PDE10A: variants seen among roughly 807,000 people sequenced by gnomAD.
PDE10A encodes cAMP and cAMP-inhibited cGMP 3',5'-cyclic phosphodiesterase 10A.
In PDE10A, 39 loss-of-function variants were observed where a neutral mutation model predicts 97.7. That is an observed-to-expected ratio of 0.40 (90% CI 0.31 to 0.52). The LOEUF is 0.52. Among genes scored for constraint, PDE10A ranks in the 20% least tolerant of loss-of-function variants. The pLI is 0.56. For synonymous variants in PDE10A, 371 were observed against 376.8 expected (o/e 0.98, Z 0.18); for missense variants, 731 against 1,047.8 (o/e 0.70, Z 4.17).
intron 1 of PDE10A, among the ~76,000 whole-genome samples, chr6:165,602,738 T>C (rs1371926622): frequency 6.6e-6 from 1 of 152,202 alleles, no homozygotes; most frequent in Admixed American, 6.5e-5. Flanking sequence ...AAATCATACC[T>C]TGTACAGGTG....
chr6:165,481,972 T>C (rs1306923170), intron 3 of PDE10A, among the ~76,000 whole-genome samples: 5 of 152,340 alleles, frequency 3.3e-5, no homozygotes, highest in Non-Finnish European at 1.5e-5. Flanking sequence ...CTGGGAAGAC[T>C]GCTGCCCTGT....
At chr6:165,741,620 T>C (rs1241376761) in intron 1 of PDE10A, among the ~76,000 whole-genome samples, 4 of 152,144 alleles carry the variant, frequency 2.6e-5, no homozygotes, top group African/African-American at 9.7e-5. Flanking sequence ...AGCATGTCAT[T>C]TTACAGCATT....
At chr6:165,610,202 C>T (rs1050006460) in intron 1 of PDE10A, among the ~76,000 whole-genome samples, 1 of 152,132 alleles carries the variant, frequency 6.6e-6, no homozygotes, top group Non-Finnish European at 1.5e-5. Context: ...AGAAATAATA[C>T]CACACATCTA....
chr6:165,895,559 A>T (rs1316017073), intron 1 of PDE10A, among the ~76,000 whole-genome samples: 2 of 152,188 alleles, frequency 1.3e-5, no homozygotes, highest in Non-Finnish European at 1.5e-5. Context: ...TTGTCACAGC[A>T]GCCCTGGGAA....
At chr6:165,718,419 C>CTGGGG (rs1348685002) in intron 1 of PDE10A, 88 of 152,256 alleles carry the variant, frequency 5.8e-4, no homozygotes, top group African/African-American at 1.8e-3. Context: ...CCCAAATCCC[C>CTGGGG]AGAAGAAACA....
At chr6:165,864,672 AAGATTAAGACATGGAC>A (rs1224774371) in intron 1 of PDE10A, among the ~76,000 whole-genome samples, 1 of 152,200 alleles carries the variant, frequency 6.6e-6, no homozygotes, top group Non-Finnish European at 1.5e-5. Context: ...TCCCATCAAA[AAGATTAAGACATGGAC>A]AGATATTTTA....
chr6:165,342,814 T>G (rs1333007500), intron 19 of PDE10A, among the ~76,000 whole-genome samples: 2 of 152,186 alleles, frequency 1.3e-5, no homozygotes, highest in Non-Finnish European at 2.9e-5. Flanking sequence ...AGCAGTACAA[T>G]GCACATCACT....
intron 1 of PDE10A, among the ~76,000 whole-genome samples, chr6:165,968,366 C>A (rs577914044): frequency 6.6e-6 from 1 of 152,352 alleles, no homozygotes; most frequent in South Asian, 2.1e-4. Context: ...CTTGCTGTAA[C>A]ACAAGCAGCT....
chr6:165,804,682 T>C (rs1447321984), intron 1 of PDE10A, among the ~76,000 whole-genome samples: 2 of 151,588 alleles, frequency 1.3e-5, no homozygotes, highest in East Asian at 3.9e-4. Context: ...GAGCGCGTGG[T>C]CGCGAAGGGG....
At chr6:165,429,662 C>T (rs895555764) in intron 9 of PDE10A, among the ~76,000 whole-genome samples, 2 of 151,842 alleles carry the variant, frequency 1.3e-5, no homozygotes, top group African/African-American at 2.4e-5. Context: ...TTACCACATC[C>T]CGGCGCATAT....
chr6:165,530,329 A>G (rs757803048), intron 2 of PDE10A, among the ~76,000 whole-genome samples: 3 of 151,796 alleles, frequency 2.0e-5, no homozygotes, highest in Non-Finnish European at 4.4e-5. Flanking sequence ...CTGTCCCTCT[A>G]GAGACCCCTG....
intron 1 of PDE10A, among the ~76,000 whole-genome samples, chr6:165,793,586 A>G (rs1280133713): frequency 6.6e-6 from 1 of 152,130 alleles, no homozygotes; most frequent in Non-Finnish European, 1.5e-5. Flanking sequence ...CCAGCTTTCC[A>G]TGACAAGACT....
At chr6:165,634,818 A>G (rs1255727620) in intron 1 of PDE10A, among the ~76,000 whole-genome samples, 1 of 152,194 alleles carries the variant, frequency 6.6e-6, no homozygotes, top group East Asian at 1.9e-4. Context: ...ACGTGCCCCA[A>G]GTGTCAGTCT....
Position 165,363,023 on chromosome 6 carries a change from T to TA in PDE10A, c.2783+16170dup, listed in dbSNP as rs34008162. Among the ~76,000 whole-genome samples, 14 of 151,860 alleles carry TA rather than the reference T, an allele frequency of 9.2e-5. No homozygotes were observed. The East Asian group carries it at 1.2e-3, about 13-fold the overall frequency. On this transcript the variant is annotated intron_variant, in intron 18 of 21. Transcript: ENST00000539869. ...GACAAAATCCAACACCCATTCACAA[T>TA]AAAAAAAATAAACACTCAACAAATC...
At chr6:165,952,981 C>A (rs1055000037) in intron 1 of PDE10A, among the ~76,000 whole-genome samples, 2 of 152,160 alleles carry the variant, frequency 1.3e-5, no homozygotes, top group African/African-American at 4.8e-5. Flanking sequence ...TGTTTTAAGT[C>A]CAGCATTAGA....
intron 19 of PDE10A, among the ~76,000 whole-genome samples, 158 bp downstream of exon 19, chr6:165,343,233 C>T (rs1191438546): frequency 6.6e-6 from 1 of 152,218 alleles, no homozygotes; most frequent in African/African-American, 2.4e-5. Flanking sequence ...TGATCATTCT[C>T]TCTTTGTATC....
In PDE10A at chr6:165,388,894, G is replaced by A. The variant is rs190831301; in HGVS notation, c.2455-441C>T. On this transcript the variant is annotated intron_variant, in intron 16 of 21. Coordinates refer to ENST00000539869, the MANE Select transcript of PDE10A (RefSeq NM_001385079.1). The surrounding 1 kb of genome is among the most constrained non-coding windows in gnomAD (Gnocchi z 4.0). ...ATAAATATAACAGGTAAATCATATCGCATGTAAAAATGGCAAATATATAGA... is the reference window on the plus strand; with the variant it reads ...ATAAATATAACAGGTAAATCATATCACATGTAAAAATGGCAAATATATAGA... Among the ~76,000 whole-genome samples the A allele has an allele frequency of 1.5e-4, 23 of 152,174 alleles. No homozygotes were observed. Among genetic ancestry groups the A allele is most frequent in the African/African-American group, 2.2e-4 (9 of 41,512 alleles).
At chr6:165,975,174 C>G (rs1038139115) in intron 1 of PDE10A, among the ~76,000 whole-genome samples, 3 of 152,194 alleles carry the variant, frequency 2.0e-5, no homozygotes, top group Non-Finnish European at 4.4e-5. Flanking sequence ...ATTCTCTTTG[C>G]GTGTTGCCAC....
intron 1 of PDE10A, among the ~76,000 whole-genome samples, chr6:165,886,931 T>G (rs996764706): frequency 6.6e-6 from 1 of 152,194 alleles, no homozygotes; most frequent in Non-Finnish European, 1.5e-5. Flanking sequence ...GTCACTCGAA[T>G]ACTTTGGAAA....
Sources: allele counts gnomAD v4.1 joint callset (sites outside exome capture counted in the v4.1 genomes callset), GRCh38; gene constraint gnomAD v4.1.1; non-coding constraint Gnocchi (gnomAD v3.1); transcripts MANE v1.5; gene names NCBI Gene and HGNC (gene_info 2026-07-23, HGNC 2026-07-21).